Variants in PLCE1 observed in about 807,000 individuals in gnomAD.
The protein encoded by PLCE1 is 1-phosphatidylinositol 4,5-bisphosphate phosphodiesterase epsilon-1.
In PLCE1, 119 loss-of-function variants were observed where a neutral mutation model predicts 242.8. The observed-to-expected ratio is 0.49, with a 90% CI of 0.42 to 0.57. The LOEUF (loss-of-function observed/expected upper bound fraction) is 0.57. Ranked by LOEUF, PLCE1 falls within the 20% of genes least tolerant of loss-of-function variation. PLCE1 has a pLI of 0.00. For missense variants in PLCE1, 2,441 were observed against 2,788.8 expected (o/e 0.88, Z 2.81); for synonymous variants, 945 against 1,017.4 (o/e 0.93, Z 1.35).
chr10:94,201,984 A>G (rs779715613), intron 4 of PLCE1, among the ~76,000 whole-genome samples: 4 of 152,232 alleles, frequency 2.6e-5, no homozygotes, highest in Non-Finnish European at 5.9e-5. Context: ...CATTCAAAAT[A>G]TGAGGCACAA....
At chr10:94,046,952 CTGT>C (rs1419932366) in intron 2 of PLCE1, among the ~76,000 whole-genome samples, 4 of 152,230 alleles carry the variant, frequency 2.6e-5, no homozygotes, top group East Asian at 1.9e-4. Context: ...CACTATGTAG[CTGT>C]TGTTGTTTCC....
chr10:94,019,626 C>G (rs1589863521), intron 1 of PLCE1, among the ~76,000 whole-genome samples: 2 of 152,188 alleles, frequency 1.3e-5, no homozygotes, highest in African/African-American at 4.8e-5. Flanking sequence ...CCACATGTGA[C>G]TCTTGGAACA....
chr10:94,296,571 C>T (rs985478725), intron 23 of PLCE1, among the ~76,000 whole-genome samples: 2 of 152,108 alleles, frequency 1.3e-5, no homozygotes, highest in African/African-American at 4.8e-5. Context: ...TTCTCTCAAC[C>T]TTCATAAAAC....
chr10:94,147,428 AAGAAAGAGAG>A (rs1051834124), intron 3 of PLCE1, among the ~76,000 whole-genome samples: 43 of 151,036 alleles, frequency 2.8e-4, no homozygotes, highest in African/African-American at 9.0e-4. Context: ...CCTTGAAAGA[AAGAAAGAGAG>A]AGAAAGAGAG....
intron 27 of PLCE1, among the ~76,000 whole-genome samples, chr10:94,312,267 C>A (rs576510559): frequency 6.6e-5 from 10 of 152,268 alleles, no homozygotes; most frequent in African/African-American, 2.2e-4. Context: ...AAATTAAGTA[C>A]ATGCTAAACA....
intron 1 of PLCE1, among the ~76,000 whole-genome samples, chr10:94,011,475 G>A (rs2061166112): frequency 6.6e-6 from 1 of 152,180 alleles, no homozygotes; most frequent in East Asian, 1.9e-4. Context: ...TCTTATGACA[G>A]GGAAGCCACT....
intron 2 of PLCE1, chr10:94,104,352 A>C (rs1232063261): frequency 6.6e-6 from 1 of 152,094 alleles, no homozygotes; most frequent in African/African-American, 2.4e-5. Flanking sequence ...GGTGTGCATT[A>C]CTCGTGGTTA....
At chr10:94,311,993 G>A (rs1474000364) in intron 27 of PLCE1, among the ~76,000 whole-genome samples, 2 of 152,150 alleles carry the variant, frequency 1.3e-5, no homozygotes, top group East Asian at 3.9e-4. Context: ...AGGGGCAGCT[G>A]TCACCTAGCT....
At chr10:94,151,993 A>G (rs566298653) in intron 3 of PLCE1, among the ~76,000 whole-genome samples, 39 of 152,292 alleles carry the variant, frequency 2.6e-4, no homozygotes, top group African/African-American at 8.7e-4. Context: ...CCTACCTCTC[A>G]CCATATACAG....
At chr10:94,252,194 C>A (rs1426739658) in intron 8 of PLCE1, 122 bp from the exon 9 acceptor site, 2 of 826,334 alleles carry the variant, frequency 2.4e-6, no homozygotes, top group East Asian at 5.0e-5. Context: ...GTGGCCAGAT[C>A]ATTATTCTTC....
At chr10:94,241,174 A>G (rs2137422380) in intron 7 of PLCE1, among the ~76,000 whole-genome samples, 1 of 152,318 alleles carries the variant, frequency 6.6e-6, no homozygotes, top group Non-Finnish European at 1.5e-5. Context: ...ATAAAAACTG[A>G]CGCCAAGAAA....
At chr10:94,143,573 G>A (rs2136037598) in intron 3 of PLCE1, among the ~76,000 whole-genome samples, 1 of 152,008 alleles carries the variant, frequency 6.6e-6, no homozygotes, top group Non-Finnish European at 1.5e-5. Flanking sequence ...ATACTTAAGA[G>A]GATAAAAAAG....
chr10:94,162,377 A>G (rs975822201), intron 3 of PLCE1, among the ~76,000 whole-genome samples: 13 of 152,126 alleles, frequency 8.5e-5, no homozygotes, highest in African/African-American at 2.9e-4. Flanking sequence ...TTCCTGGTTT[A>G]GTCTTGGGAG....
At chr10:94,241,657 G>T (rs906555449) in intron 7 of PLCE1, among the ~76,000 whole-genome samples, 2 of 152,120 alleles carry the variant, frequency 1.3e-5, no homozygotes, top group African/African-American at 2.4e-5. Flanking sequence ...GGGTGTGGTG[G>T]CGGGCACCTG....
intron 2 of PLCE1, among the ~76,000 whole-genome samples, chr10:94,093,460 G>C (rs904843069): frequency 1.3e-5 from 2 of 152,178 alleles, no homozygotes; most frequent in Admixed American, 6.5e-5. Context: ...CAGTGACTCA[G>C]TTGCAAGAAA....
At position 94,313,444 on chromosome 10, in the gene PLCE1, T is replaced by A. The variant is rs187500523; in HGVS notation, c.6132+62T>A. ...TCTAAGATGTATGGATGTATGTGTG[T>A]GTATAAATGCCTGTGTGTAAACATA... On this transcript the variant is annotated intron_variant, in intron 28 of 32. Transcript: ENST00000371380. 728 of 1,585,328 alleles carry A rather than the reference T, an allele frequency of 4.6e-4. 4 individuals carry two copies. The African/African-American group carries it at 8.4e-3, about 18-fold the overall frequency.
intron 2 of PLCE1, among the ~76,000 whole-genome samples, chr10:94,038,789 C>T (rs184861707): frequency 5.3e-5 from 8 of 152,170 alleles, no homozygotes; most frequent in Non-Finnish European, 8.8e-5. Flanking sequence ...TAAATATGTT[C>T]ACAGATATGT....
At chr10:94,023,634 G>T (rs901949653) in intron 1 of PLCE1, among the ~76,000 whole-genome samples, 4 of 152,090 alleles carry the variant, frequency 2.6e-5, no homozygotes, top group Non-Finnish European at 4.4e-5. Flanking sequence ...TCCTTTCCTT[G>T]TGAGATTTGC....
intron 3 of PLCE1, among the ~76,000 whole-genome samples, chr10:94,158,588 C>T (rs572910300): frequency 2.1e-4 from 32 of 152,002 alleles, no homozygotes; most frequent in African/African-American, 7.7e-4. Context: ...GTTATATTTA[C>T]AAGATTGTTT....
Sources: allele counts gnomAD v4.1 joint callset (sites outside exome capture counted in the v4.1 genomes callset), GRCh38; gene constraint gnomAD v4.1.1; transcripts MANE v1.5; gene names NCBI Gene and HGNC (gene_info 2026-07-23, HGNC 2026-07-21).